The following TUBE1 variants were observed in gnomAD, a reference collection of about 807,000 sequenced individuals.
The protein encoded by TUBE1 is tubulin epsilon chain.
Under a neutral mutation model 53.5 loss-of-function variants are expected in TUBE1, and 34 were observed. The observed-to-expected ratio is 0.64, with a 90% confidence interval of 0.48 to 0.85. The LOEUF (loss-of-function observed/expected upper bound fraction) is 0.85. Among genes scored for constraint, TUBE1 ranks in the 40% least tolerant of loss-of-function variants. The pLI is 0.00. For missense variants in TUBE1, 532 were observed against 570.5 expected, an observed-to-expected ratio of 0.93 and a Z score of 0.69; for synonymous variants, 177 against 198.4, an observed-to-expected ratio of 0.89 and a Z score of 0.91.
intron 3 of TUBE1, chr6:112,085,762 T>A (rs782148477): frequency 6.4e-6 from 3 of 469,030 alleles, no homozygotes; most frequent in South Asian, 4.7e-5. Context: ...GATAAAGTAA[T>A]GTGCCTATGA....
chr6:112,086,393 GATATAAGAATATTAATA>G (rs587609171), intron 3 of TUBE1, among the ~76,000 whole-genome samples, 146 bp downstream of exon 3: 1 of 152,266 alleles, frequency 6.6e-6, no homozygotes, highest in East Asian at 1.9e-4. Context: ...TCGGGAAAAT[GATATAAGAATATTAATA>G]ATCTAATAGA....
intron 9 of TUBE1, among the ~76,000 whole-genome samples, chr6:112,073,521 G>A (rs1776903799): frequency 6.6e-6 from 1 of 152,078 alleles, no homozygotes; most frequent in Non-Finnish European, 1.5e-5. Flanking sequence ...TCCAATGCTA[G>A]GCTGATGCCA....
At position 112,071,291 on chromosome 6, in the gene TUBE1, T is replaced by C. The variant is rs2114476045; in HGVS notation, c.*121A>G. 1 of 1,012,552 alleles carries C rather than the reference T, an allele frequency of 9.9e-7. No homozygotes were observed. Among genetic ancestry groups the C allele is most frequent in the East Asian group, 2.5e-5 (1 of 39,296 alleles). 62.7% of individuals were successfully genotyped at this position (1,012,552 alleles called of 1,614,324 possible). Reference sequence around the variant, plus strand: ...TGCGATTAAACAGAAATCACTCTTTTAGACAAAAATATTTCCCGATAATAT... The same window carrying C: ...TGCGATTAAACAGAAATCACTCTTTCAGACAAAAATATTTCCCGATAATAT... On this transcript the variant is annotated 3_prime_UTR_variant, in exon 12 of 12. Transcript: ENST00000368662.
intron 5 of TUBE1, 112 bp from the exon 6 acceptor site, chr6:112,079,866 CTAAG>C: frequency 1.0e-6 from 1 of 998,094 alleles, no homozygotes; most frequent in Non-Finnish European, 1.5e-6. Context: ...TCTTATTGAG[CTAAG>C]TAAAGTCTAT....
At chr6:112,079,890 A>T (rs587755667) in intron 5 of TUBE1, 136 bp from the exon 6 acceptor site, 2 of 792,596 alleles carry the variant, frequency 2.5e-6, no homozygotes, top group East Asian at 2.9e-5. Flanking sequence ...TTCTTGTTTC[A>T]TGTAAATAAA....
At chr6:112,079,932 A>G (rs1275021422) in intron 5 of TUBE1, among the ~76,000 whole-genome samples, 178 bp from the exon 6 acceptor site, 2 of 151,876 alleles carry the variant, frequency 1.3e-5, no homozygotes, top group African/African-American at 4.8e-5. Flanking sequence ...CTAGATAGAA[A>G]ACTTAACAAA....
At position 112,087,255 on chromosome 6, in the gene TUBE1, C is replaced by T; in HGVS notation, c.77G>A (p.Arg26Lys). The T allele has an allele frequency of 6.4e-7, 1 of 1,551,600 alleles. No homozygotes were observed. The highest frequency in any genetic ancestry group is 8.7e-7 in the Non-Finnish European group (1 of 1,147,106). ...TACCTGGTTGACCGCGGCGTGCTCC[C>T]TTAGTGCCAGGTCCCAGAAGCAGCA... ...IGCCFWDLAL[R>K]EHAAVNQKGI... The change falls in exon 2 of 12, where the codon AGG becomes AAG. Residue 26 changes from arginine to lysine, a missense_variant. Arg to Lys is a conservative substitution (Grantham distance 26). Coordinates refer to ENST00000368662, the MANE Select transcript of TUBE1 (RefSeq NM_016262.5).
intron 5 of TUBE1, among the ~76,000 whole-genome samples, chr6:112,080,154 T>G (rs1025753442): frequency 1.1e-4 from 17 of 151,970 alleles, no homozygotes; most frequent in African/African-American, 3.4e-4. Flanking sequence ...TGTGGTAAAC[T>G]ACAGAGACAC....
chr6:112,085,572 G>C (rs1777136404), intron 3 of TUBE1: 3 of 439,146 alleles, frequency 6.8e-6, no homozygotes, highest in Admixed American at 5.2e-5. Context: ...AGAATTTAGA[G>C]GTGAGGATAT....
intron 4 of TUBE1, 55 bp downstream of exon 4, chr6:112,084,134 G>C: frequency 1.5e-6 from 2 of 1,363,984 alleles, no homozygotes; most frequent in Non-Finnish European, 2.1e-6. Context: ...TAGTTACTGA[G>C]AATAGTTATT....
chr6:112,080,663 C>T (rs1777055187), intron 5 of TUBE1, among the ~76,000 whole-genome samples: 1 of 152,000 alleles, frequency 6.6e-6, no homozygotes. Context: ...AGAGAAGAGA[C>T]CATTATATAC....
intron 3 of TUBE1, among the ~76,000 whole-genome samples, chr6:112,084,823 T>A (rs1777123359): frequency 6.6e-6 from 1 of 152,236 alleles, no homozygotes; most frequent in South Asian, 2.1e-4. Flanking sequence ...TAACTGGTAT[T>A]TACCATTGAG....
chr6:112,083,381 G>A lies in TUBE1; in HGVS notation c.210+808C>T, dbSNP rs995849614. Among the ~76,000 whole-genome samples, 59 of 149,442 alleles carry A rather than the reference G, an allele frequency of 3.9e-4. 1 individual carries two copies. Among genetic ancestry groups the A allele is most frequent in the Non-Finnish European group, 1.9e-4 (13 of 67,634 alleles). ...TCGCCCAGGTTGGATGCAGTGGCGC[G>A]ATCTCGGCTCACTGCAGGCTCTGCC... On this transcript the variant is annotated intron_variant, in intron 4 of 11. Coordinates refer to ENST00000368662, the MANE Select transcript of TUBE1 (RefSeq NM_016262.5).
intron 5 of TUBE1, among the ~76,000 whole-genome samples, chr6:112,080,162 C>A (rs1372512672): frequency 2.6e-5 from 4 of 151,758 alleles, no homozygotes; most frequent in Admixed American, 1.3e-4. Flanking sequence ...ACTACAGAGA[C>A]ACTGAAAATC....
At position 112,074,712 on chromosome 6, in the gene TUBE1, T is replaced by C. The variant is rs782646570; in HGVS notation, c.951A>G (p.Arg317=). The change falls in exon 9 of 12, where the codon AGA becomes AGG. Residue 317 remains arginine (R), a splice_region_variant and synonymous_variant. Transcript: ENST00000368662. The part of the protein sequence containing the change: ...YTLTDVNIPP[R]RLDQMFSDAF... Reference sequence around the variant, plus strand: ...ATTGAAACAAAGTTACACCTTACCTTCTAGGAGGAATGTTAACATCTGTCA... The same window carrying C: ...ATTGAAACAAAGTTACACCTTACCTCCTAGGAGGAATGTTAACATCTGTCA... The C allele has an allele frequency of 4.6e-6, 7 of 1,522,762 alleles. No individual in the cohort carries two copies. In the South Asian group the frequency reaches 8.1e-5, roughly 18 times the overall value. 94.3% of individuals were successfully genotyped at this position (1,522,762 alleles called of 1,614,324 possible).
chr6:112,087,032 G>A, intron 2 of TUBE1: 1 of 580,332 alleles, frequency 1.7e-6, no homozygotes, highest in South Asian at 2.3e-5. Context: ...CAGGAAAAAC[G>A]TTAAGACTAA....
chr6:112,077,316 G>T (rs1237923844), intron 6 of TUBE1: 1 of 152,122 alleles, frequency 6.6e-6, no homozygotes, highest in Non-Finnish European at 1.5e-5. Flanking sequence ...GAAACTCGAG[G>T]AATCTCATTA....
intron 5 of TUBE1, 53 bp from the exon 6 acceptor site, chr6:112,079,807 G>T: frequency 6.5e-7 from 1 of 1,533,844 alleles, no homozygotes; most frequent in South Asian, 1.2e-5. Context: ...TTTTTTATTT[G>T]ATTAGTTCTA....
In TUBE1 at chr6:112,076,015, C is replaced by T; in HGVS notation, c.734G>A (p.Gly245Glu). Reference protein sequence around the residue: ...KPKSLVTSSSGALKKQHKKPF... With the variant: ...KPKSLVTSSSEALKKQHKKPF... ...CTTCTTATGCTGCTTTTTTAAAGCCCCAGAACTTGAAGTAACCAGACTCTT... is the reference window on the plus strand; with the variant it reads ...CTTCTTATGCTGCTTTTTTAAAGCCTCAGAACTTGAAGTAACCAGACTCTT... The change falls in exon 8 of 12, where the codon GGG becomes GAG. Residue 245 changes from glycine to glutamate, a missense_variant. Transcript: ENST00000368662. 6.2e-7 allele frequency: 1 copy of T among 1,613,712 alleles called. No individual in the cohort carries two copies. Among genetic ancestry groups the T allele is most frequent in the Non-Finnish European group, 8.5e-7 (1 of 1,179,874 alleles).
Sources: gnomAD v4.1 joint callset for allele counts (sites outside exome capture counted in the v4.1 genomes callset) on GRCh38, gnomAD v4.1.1 for gene constraint, MANE v1.5 for transcripts, NCBI Gene and HGNC (gene_info 2026-07-23, HGNC 2026-07-21) for gene names.